KLF8: variants seen among roughly 807,000 people sequenced by gnomAD.
KLF8 encodes the protein Krueppel-like factor 8.
In KLF8, 10 loss-of-function variants were observed where a neutral mutation model predicts 18.2. That is an observed-to-expected ratio of 0.55 (90% CI 0.34 to 0.93). The LOEUF (loss-of-function observed/expected upper bound fraction) is 0.93, where lower values mean the gene tolerates loss of function less well. KLF8 is among the 40% of genes least tolerant of loss of function. The pLI is 0.02. For synonymous variants in KLF8, 109 were observed against 97.3 expected (o/e 1.12, Z -0.71); for missense variants, 264 against 277.9 (o/e 0.95, Z 0.36).
chrX:56,210,431 CGTTT>C, the KLF8 span, among the ~76,000 whole-genome samples: 1 of 111,687 alleles, frequency 9.0e-6, no homozygotes, highest in South Asian at 3.7e-4. Context: ...TATTATATGT[CGTTT>C]GTTTATCTTA....
At chrX:56,210,648 T>C in the KLF8 span, among the ~76,000 whole-genome samples, 2 of 110,862 alleles carry the variant, frequency 1.8e-5, no homozygotes, top group Admixed American at 1.9e-4. Flanking sequence ...TTTCTCTACC[T>C]CTTCTTTAAG....
chrX:55,914,111 T>C, the KLF8 span, among the ~76,000 whole-genome samples: 1 of 111,894 alleles, frequency 8.9e-6, no homozygotes. Flanking sequence ...ACAGAGAACA[T>C]GGAAAGGGGT....
the KLF8 span, among the ~76,000 whole-genome samples, chrX:56,148,246 C>T: frequency 9.0e-6 from 1 of 111,160 alleles, no homozygotes; most frequent in Non-Finnish European, 1.9e-5. Context: ...CATAATAAAG[C>T]AAAATATGAA....
At chrX:56,139,122 A>T in the KLF8 span, among the ~76,000 whole-genome samples, 1 of 111,841 alleles carries the variant, frequency 8.9e-6, no homozygotes, top group South Asian at 3.7e-4. Context: ...TGTACAAAGA[A>T]AATTACAAAA....
chrX:55,991,907 G>A, the KLF8 span, among the ~76,000 whole-genome samples: 1 of 112,161 alleles, frequency 8.9e-6, no homozygotes, highest in South Asian at 3.7e-4. Context: ...GTCTTCTTAT[G>A]AGAAGTGTCT....
intron 2 of KLF8, among the ~76,000 whole-genome samples, chrX:56,261,196 CA>C (rs1448356984): frequency 2.7e-5 from 3 of 111,445 alleles, no homozygotes; most frequent in African/African-American, 9.8e-5. Context: ...TTTGTCCACT[CA>C]AATTGGCTTA....
At chrX:56,186,805 G>A in the KLF8 span, among the ~76,000 whole-genome samples, 8 of 112,060 alleles carry the variant, frequency 7.1e-5, no homozygotes, top group Non-Finnish European at 1.5e-4. Context: ...GAAGTCAGAA[G>A]TAAAGATGTT....
chrX:55,935,090 C>T, the KLF8 span, among the ~76,000 whole-genome samples: 1 of 111,918 alleles, frequency 8.9e-6, no homozygotes, highest in Non-Finnish European at 1.9e-5. Flanking sequence ...ACAGTCATGG[C>T]GTATAAAAAG....
the KLF8 span, among the ~76,000 whole-genome samples, chrX:56,120,158 C>A: frequency 2.7e-5 from 3 of 110,680 alleles, no homozygotes; most frequent in East Asian, 8.5e-4. Flanking sequence ...ACCCAACTTA[C>A]CTAAGCTCTT....
At chrX:56,021,232 T>C in the KLF8 span, among the ~76,000 whole-genome samples, 1 of 112,276 alleles carries the variant, frequency 8.9e-6, no homozygotes, top group South Asian at 3.7e-4. Flanking sequence ...TCTTATTTCA[T>C]GCAACTTAAT....
At chrX:56,071,539 C>T in the KLF8 span, among the ~76,000 whole-genome samples, 1 of 111,690 alleles carries the variant, frequency 9.0e-6, no homozygotes, top group Admixed American at 9.5e-5. Flanking sequence ...TCATTGTCTT[C>T]GATAGAAGCT....
the KLF8 span, among the ~76,000 whole-genome samples, chrX:56,153,655 T>C: frequency 9.0e-6 from 1 of 111,392 alleles, no homozygotes; most frequent in Non-Finnish European, 1.9e-5. Context: ...TGTTTGCAGA[T>C]GACATGATTG....
chrX:56,144,667 C>T, the KLF8 span, among the ~76,000 whole-genome samples: 1 of 103,302 alleles, frequency 9.7e-6, no homozygotes, highest in East Asian at 3.2e-4. Flanking sequence ...GCAGGAGAAT[C>T]GCTTGAACCC....
the KLF8 span, among the ~76,000 whole-genome samples, chrX:56,081,825 A>T: frequency 1.8e-5 from 2 of 112,049 alleles, no homozygotes; most frequent in Non-Finnish European, 3.8e-5. Context: ...TTGTTGTTGT[A>T]TAATTCTTTT....
At chrX:55,917,387 C>T in the KLF8 span, among the ~76,000 whole-genome samples, 2 of 112,005 alleles carry the variant, frequency 1.8e-5, no homozygotes, top group African/African-American at 6.5e-5. Flanking sequence ...TTATCCAATT[C>T]TTTAGTTGGC....
chrX:56,056,407 G>T, the KLF8 span, among the ~76,000 whole-genome samples: 1 of 109,102 alleles, frequency 9.2e-6, no homozygotes, highest in African/African-American at 3.3e-5. Flanking sequence ...CCCCAGCATT[G>T]TTCTCTGTCT....
the KLF8 span, among the ~76,000 whole-genome samples, chrX:56,075,287 A>T: frequency 9.0e-6 from 1 of 111,495 alleles, no homozygotes; most frequent in African/African-American, 3.2e-5. Context: ...TTGTATAGGG[A>T]TACAACCTAT....
Position 56,233,243 on chromosome X carries a change from G to A in KLF8, c.-92G>A. On this transcript the variant is annotated 5_prime_UTR_variant, in exon 1 of 6. Coordinates refer to ENST00000468660, the MANE Select transcript of KLF8 (RefSeq NM_007250.5). Reference sequence around the variant, plus strand: ...CTATGTCAGAATGGGGCGGGTGTGAGGGGAACAGCTCTCTTGCGATCAGCT... The same window carrying A: ...CTATGTCAGAATGGGGCGGGTGTGAAGGGAACAGCTCTCTTGCGATCAGCT... 9.0e-7 allele frequency: 1 copy of A among 1,115,913 alleles called. No homozygotes were observed. The highest frequency in any genetic ancestry group is 1.2e-6 in the Non-Finnish European group (1 of 811,670). The allele number at this position is 1,115,913 out of a possible 1,213,427, so 92.0% of individuals were successfully genotyped here. A position where few individuals can be genotyped will look rare whatever the true frequency, so the allele number is the denominator to read the frequency against.
At chrX:56,122,872 A>G in the KLF8 span, among the ~76,000 whole-genome samples, 8 of 111,091 alleles carry the variant, frequency 7.2e-5, no homozygotes, top group African/African-American at 2.6e-4. Context: ...TACAGCTGTG[A>G]GCCACCATGC....
Sources: gnomAD v4.1 joint callset for allele counts (sites outside exome capture counted in the v4.1 genomes callset) on GRCh38, gnomAD v4.1.1 for gene constraint, MANE v1.5 for transcripts, NCBI Gene and HGNC (gene_info 2026-07-23, HGNC 2026-07-21) for gene names.